The following GABRG3 variants were observed in gnomAD, a reference collection of about 807,000 sequenced individuals.
The protein encoded by GABRG3 is gamma-aminobutyric acid receptor subunit gamma-3.
GABRG3 carries 25 observed loss-of-function variants against 48.8 expected under a neutral mutation model. The ratio of observed to expected loss-of-function variants is 0.51; its 90% confidence interval spans 0.37 to 0.72. The LOEUF (loss-of-function observed/expected upper bound fraction) is 0.72, where lower values mean the gene tolerates loss of function less well. Among genes scored for constraint, GABRG3 ranks in the 30% least tolerant of loss-of-function variants. The pLI, the probability that GABRG3 is intolerant of heterozygous loss-of-function variation, is 0.00. For missense variants in GABRG3, 394 were observed against 577.9 expected, an observed-to-expected ratio of 0.68 and a Z score of 3.26; for synonymous variants, 227 against 217.6, an observed-to-expected ratio of 1.04 and a Z score of -0.38.
intron 5 of GABRG3, among the ~76,000 whole-genome samples, chr15:27,345,983 G>A (rs2140531823): frequency 6.6e-6 from 1 of 151,758 alleles, no homozygotes; most frequent in African/African-American, 2.4e-5. Flanking sequence ...GAACCCAGGA[G>A]GTGGAGGTTT....
At chr15:27,086,324 G>A (rs1205398054) in intron 3 of GABRG3, among the ~76,000 whole-genome samples, 1 of 149,576 alleles carries the variant, frequency 6.7e-6, no homozygotes, top group Admixed American at 6.7e-5. Flanking sequence ...TCAGAGTTCT[G>A]CGCATTTACA....
At chr15:27,203,359 C>G (rs1404056473) in intron 3 of GABRG3, among the ~76,000 whole-genome samples, 1 of 152,190 alleles carries the variant, frequency 6.6e-6, no homozygotes, top group Admixed American at 6.5e-5. Context: ...ATCCATGTTG[C>G]TGCAAAGGAT....
At chr15:27,044,081 A>AGAGGG (rs899630719) in intron 3 of GABRG3, among the ~76,000 whole-genome samples, 11 of 152,278 alleles carry the variant, frequency 7.2e-5, no homozygotes, top group African/African-American at 2.6e-4. Flanking sequence ...GTGAGAGAGG[A>AGAGGG]GAGGGGAGGG....
chr15:26,998,357 ATTC>A (rs947559565), intron 2 of GABRG3, among the ~76,000 whole-genome samples: 12 of 152,136 alleles, frequency 7.9e-5, no homozygotes, highest in South Asian at 2.1e-4. Flanking sequence ...TCCTTATGGC[ATTC>A]TTCTTCTTCT....
At chr15:27,151,900 C>G (rs1898322933) in intron 3 of GABRG3, among the ~76,000 whole-genome samples, 2 of 152,108 alleles carry the variant, frequency 1.3e-5, no homozygotes, top group African/African-American at 4.8e-5. Context: ...ATTCTAGGTA[C>G]CTAGTCCTTT....
At chr15:27,366,015 G>C (rs1315474923) in intron 5 of GABRG3, 1 of 152,174 alleles carries the variant, frequency 6.6e-6, no homozygotes, top group Non-Finnish European at 1.5e-5. Flanking sequence ...ATGGGAGTTC[G>C]TTTTCAGTAG....
intron 6 of GABRG3, among the ~76,000 whole-genome samples, chr15:27,514,317 C>T (rs189977669): frequency 9.3e-4 from 141 of 152,244 alleles, no homozygotes; most frequent in Middle Eastern, 3.4e-3. Context: ...TAGCGGGGAA[C>T]TTTGTTTAGG....
chr15:27,167,479 A>G lies in GABRG3; in HGVS notation c.270+140658A>G, dbSNP rs549016907. On this transcript the variant is annotated intron_variant, in intron 3 of 9. Transcript: ENST00000615808. Reference sequence around the variant, plus strand: ...AGCTGTGCTCACTGTCTGCTTCAGCACTGCCTGCATGTGGTGGGTGGCTCA... The same window carrying G: ...AGCTGTGCTCACTGTCTGCTTCAGCGCTGCCTGCATGTGGTGGGTGGCTCA... Among the ~76,000 whole-genome samples the G allele has an allele frequency of 1.7e-3, 253 of 152,186 alleles. 1 individual carries two copies. The highest frequency in any genetic ancestry group is 2.4e-3 in the Non-Finnish European group (164 of 68,036).
At position 27,392,880 on chromosome 15, in the gene GABRG3, G is replaced by A. The variant is rs567443500; in HGVS notation, c.574+63992G>A. Among the ~76,000 whole-genome samples, 8 of 152,230 alleles carry A rather than the reference G, an allele frequency of 5.3e-5. No homozygotes were observed. The East Asian group carries it at 9.7e-4, about 18-fold the overall frequency. On this transcript the variant is annotated intron_variant, in intron 5 of 9. Coordinates refer to ENST00000615808, the MANE Select transcript of GABRG3 (RefSeq NM_033223.5). ...TGGCCATTGGGAGCACATTCTGTTA[G>A]CTCCTTTGTTCCTTTGACATACCCA...
chr15:27,103,242 C>G (rs142672581), intron 3 of GABRG3, among the ~76,000 whole-genome samples: 1 of 152,208 alleles, frequency 6.6e-6, no homozygotes, highest in African/African-American at 2.4e-5. Context: ...TTTCCCTGTA[C>G]TGACAACCCA....
chr15:27,518,193 T>TAAAAAAA (rs1891069226), intron 6 of GABRG3, among the ~76,000 whole-genome samples: 1 of 16,888 alleles, frequency 5.9e-5, no homozygotes, highest in African/African-American at 3.4e-4. Flanking sequence ...CTACTAAAAA[T>TAAAAAAA]ACAAAAAAAA....
chr15:27,383,927 A>G (rs117859092), intron 5 of GABRG3, among the ~76,000 whole-genome samples: 6 of 152,320 alleles, frequency 3.9e-5, no homozygotes, highest in Admixed American at 1.3e-4. Flanking sequence ...TGCATTCAGT[A>G]GTGGAATGTT....
chr15:27,392,896 G>C (rs1247799281), intron 5 of GABRG3, among the ~76,000 whole-genome samples: 1 of 152,126 alleles, frequency 6.6e-6, no homozygotes, highest in Non-Finnish European at 1.5e-5. Context: ...TTGTTCCTTT[G>C]ACATACCCAG....
At chr15:27,325,306 C>G (rs1486632785) in intron 3 of GABRG3, among the ~76,000 whole-genome samples, 3 of 152,174 alleles carry the variant, frequency 2.0e-5, no homozygotes, top group African/African-American at 7.2e-5. Flanking sequence ...GGCCATTCAT[C>G]CCCAAGGGCA....
At chr15:27,372,423 C>T (rs1220190015) in intron 5 of GABRG3, among the ~76,000 whole-genome samples, 1 of 152,060 alleles carries the variant, frequency 6.6e-6, no homozygotes, top group Non-Finnish European at 1.5e-5. Flanking sequence ...AACAGGGTCT[C>T]GCTCAGTCAC....
At chr15:26,992,733 A>G (rs1182205075) in intron 2 of GABRG3, among the ~76,000 whole-genome samples, 1 of 152,150 alleles carries the variant, frequency 6.6e-6, no homozygotes, top group Non-Finnish European at 1.5e-5. Context: ...TTGACTTCAT[A>G]GAATGAATTT....
chr15:27,048,914 C>T (rs1230328729), intron 3 of GABRG3, among the ~76,000 whole-genome samples: 1 of 152,246 alleles, frequency 6.6e-6, no homozygotes, highest in Non-Finnish European at 1.5e-5. Context: ...TCTTCTGTGA[C>T]AGCCAGGTCC....
intron 3 of GABRG3, among the ~76,000 whole-genome samples, chr15:27,184,052 G>A (rs1433992834): frequency 1.3e-5 from 2 of 152,164 alleles, no homozygotes; most frequent in African/African-American, 4.8e-5. Flanking sequence ...AGATAGCCAG[G>A]GAGCAAGTCA....
At chr15:27,260,956 A>G (rs1331082929) in intron 3 of GABRG3, among the ~76,000 whole-genome samples, 1 of 152,226 alleles carries the variant, frequency 6.6e-6, no homozygotes. Context: ...GGAAACGCAC[A>G]GGATGCATGG....
Sources: allele counts gnomAD v4.1 joint callset (sites outside exome capture counted in the v4.1 genomes callset), GRCh38; gene constraint gnomAD v4.1.1; transcripts MANE v1.5; gene names NCBI Gene and HGNC (gene_info 2026-07-23, HGNC 2026-07-21).